The following CHST11 variants were observed in gnomAD, a reference collection of about 807,000 sequenced individuals.
CHST11 encodes C4S-1.
Under a neutral mutation model 30.4 loss-of-function variants are expected in CHST11, and 9 were observed. That is an observed-to-expected ratio of 0.30 (90% CI 0.18 to 0.52). The LOEUF (loss-of-function observed/expected upper bound fraction) is 0.52. CHST11 is among the 20% of genes least tolerant of loss of function. CHST11 has a pLI of 0.97. For synonymous variants in CHST11, 152 were observed against 187.8 expected, an observed-to-expected ratio of 0.81 and a Z score of 1.56; for missense variants, 348 against 460.6, an observed-to-expected ratio of 0.76 and a Z score of 2.24.
At chr12:104,703,443 G>A (rs1368289708) in intron 2 of CHST11, among the ~76,000 whole-genome samples, 2 of 152,094 alleles carry the variant, frequency 1.3e-5, no homozygotes, top group Admixed American at 1.3e-4. Context: ...TTTAGCCCAC[G>A]CAGGTCCTCT....
chr12:104,653,253 C>G (rs747535519), intron 2 of CHST11, among the ~76,000 whole-genome samples: 1 of 152,132 alleles, frequency 6.6e-6, no homozygotes, highest in Non-Finnish European at 1.5e-5. Flanking sequence ...AGTATCTGTC[C>G]TTTTGTGACT....
chr12:104,532,836 G>T (rs1032773308), intron 1 of CHST11, among the ~76,000 whole-genome samples: 3 of 151,982 alleles, frequency 2.0e-5, no homozygotes, highest in Admixed American at 2.0e-4. Context: ...CCCAGACAGT[G>T]GCCCCCACAC....
chr12:104,467,210 T>G (rs2037468059), intron 1 of CHST11, among the ~76,000 whole-genome samples: 1 of 152,252 alleles, frequency 6.6e-6, no homozygotes, highest in Non-Finnish European at 1.5e-5. Flanking sequence ...CTGCCTGAGT[T>G]TCATAACTGA....
chr12:104,485,944 G>T (rs775385506), intron 1 of CHST11, among the ~76,000 whole-genome samples: 2 of 152,222 alleles, frequency 1.3e-5, no homozygotes, highest in Non-Finnish European at 2.9e-5. Context: ...TGCACGGCCT[G>T]CTTGGTTAAA....
At chr12:104,755,112 T>C (rs1305355452) in intron 2 of CHST11, among the ~76,000 whole-genome samples, 1 of 152,184 alleles carries the variant, frequency 6.6e-6, no homozygotes, top group Non-Finnish European at 1.5e-5. Flanking sequence ...GTGGCCCTAC[T>C]TTAGGCCCAT....
intron 1 of CHST11, among the ~76,000 whole-genome samples, chr12:104,521,826 G>A (rs778707457): frequency 1.3e-5 from 2 of 152,138 alleles, no homozygotes; most frequent in East Asian, 1.9e-4. Context: ...CTGGTGAGTC[G>A]TATCTTGTTT....
At chr12:104,464,329 A>G (rs2037438262) in intron 1 of CHST11, among the ~76,000 whole-genome samples, 1 of 151,960 alleles carries the variant, frequency 6.6e-6, no homozygotes, top group Non-Finnish European at 1.5e-5. Context: ...CGGCCTCCCA[A>G]AGTGCTGGTA....
At chr12:104,715,468 T>C (rs2040123388) in intron 2 of CHST11, among the ~76,000 whole-genome samples, 1 of 152,144 alleles carries the variant, frequency 6.6e-6, no homozygotes, top group Non-Finnish European at 1.5e-5. Context: ...GACATAATCA[T>C]GTGATTATTA....
intron 1 of CHST11, among the ~76,000 whole-genome samples, chr12:104,508,214 ACCC>A (rs1281756837): frequency 0.019 from 2,885 of 152,216 alleles, 105 homozygotes; most frequent in African/African-American, 0.066. Flanking sequence ...CCCTTGGCTT[ACCC>A]ATCTGATCAA....
intron 1 of CHST11, among the ~76,000 whole-genome samples, chr12:104,470,352 AGAGAGAATGTGTGCAAGCAGGG>A (rs2037496311): frequency 6.6e-6 from 1 of 152,154 alleles, no homozygotes; most frequent in African/African-American, 2.4e-5. Flanking sequence ...GGGCAGCAGG[AGAGAGAATGTGTGCAAGCAGGG>A]GAAATACCAG....
intron 2 of CHST11, among the ~76,000 whole-genome samples, chr12:104,739,234 G>C (rs1224280285): frequency 6.6e-6 from 1 of 152,200 alleles, no homozygotes; most frequent in Non-Finnish European, 1.5e-5. Context: ...GGGGAGGCAG[G>C]GAAAGTGAAA....
chr12:104,540,658 C>T (rs1057158230), intron 1 of CHST11, among the ~76,000 whole-genome samples: 2 of 152,192 alleles, frequency 1.3e-5, no homozygotes, highest in African/African-American at 4.8e-5. Flanking sequence ...CGATTGATTA[C>T]ATGTCAAGGA....
At chr12:104,504,423 A>C (rs2037882717) in intron 1 of CHST11, among the ~76,000 whole-genome samples, 1 of 152,184 alleles carries the variant, frequency 6.6e-6, no homozygotes. Context: ...TGTTTCTTCG[A>C]TGTCACCTCA....
chr12:104,689,842 A>G (rs888406347), intron 2 of CHST11, among the ~76,000 whole-genome samples: 7 of 151,588 alleles, frequency 4.6e-5, no homozygotes, highest in African/African-American at 1.5e-4. Flanking sequence ...CTGCCCCTGG[A>G]TGCTCTTCCC....
intron 1 of CHST11, among the ~76,000 whole-genome samples, chr12:104,496,645 A>G (rs2135971297): frequency 6.6e-6 from 1 of 152,262 alleles, no homozygotes; most frequent in African/African-American, 2.4e-5. Flanking sequence ...TCACTCTTTG[A>G]TATGTTTTGT....
At chr12:104,753,749 G>C (rs2040453403) in intron 2 of CHST11, among the ~76,000 whole-genome samples, 1 of 152,228 alleles carries the variant, frequency 6.6e-6, no homozygotes, top group South Asian at 2.1e-4. Context: ...GACCCCGGCA[G>C]TCAGCTAATC....
intron 1 of CHST11, among the ~76,000 whole-genome samples, chr12:104,548,388 A>G (rs2038373297): frequency 6.6e-6 from 1 of 152,200 alleles, no homozygotes; most frequent in African/African-American, 2.4e-5. Flanking sequence ...ATTTCACGCT[A>G]CCAGTGTGAT....
chr12:104,753,202 T>G (rs1335298635), intron 2 of CHST11, among the ~76,000 whole-genome samples: 1 of 152,232 alleles, frequency 6.6e-6, no homozygotes, highest in Non-Finnish European at 1.5e-5. Context: ...TTACAAATGT[T>G]GGGAGAATCT....
At chr12:104,750,428 C>CCTTTTTTTTTTTTT (rs1420945578) in intron 2 of CHST11, among the ~76,000 whole-genome samples, 6 of 48,836 alleles carry the variant, frequency 1.2e-4, no homozygotes, top group African/African-American at 4.9e-4. Context: ...TATTTCTGCA[C>CCTTTTTTTTTTTTT]TTTTTTTTTT....
Sources: gnomAD v4.1 joint callset for allele counts (sites outside exome capture counted in the v4.1 genomes callset) on GRCh38, gnomAD v4.1.1 for gene constraint, MANE v1.5 for transcripts, NCBI Gene and HGNC (gene_info 2026-07-23, HGNC 2026-07-21) for gene names.